The following SLC12A1 variants were observed in gnomAD, a reference collection of about 807,000 sequenced individuals.
SLC12A1 encodes the protein solute carrier family 12 member 1.
Under a neutral mutation model 130.4 loss-of-function variants are expected in SLC12A1, and 89 were observed. The ratio of observed to expected loss-of-function variants is 0.68; its 90% CI spans 0.58 to 0.81. SLC12A1 has a LOEUF of 0.81. Among genes scored for constraint, SLC12A1 ranks in the 40% least tolerant of loss-of-function variants. SLC12A1 has a pLI of 0.00. For synonymous variants in SLC12A1, 499 were observed against 460.0 expected (o/e 1.08, Z -1.09); for missense variants, 1,310 against 1,336.4 (o/e 0.98, Z 0.31).
In SLC12A1 at chr15:48,221,210, G is replaced by T; in HGVS notation, c.628+214G>T. 4 of 662,744 alleles carry T rather than the reference G, an allele frequency of 6.0e-6. No homozygotes were observed. In the South Asian group the frequency reaches 6.7e-5, roughly 11 times the overall value. The allele number at this position is 662,744 out of a possible 1,614,324, so 41.1% of individuals were successfully genotyped here. ...TGGAATTTTCCAGCTTGCCAAACAG[G>T]TGAATGCTCAAGGAGATCTCTCTCT... On this transcript the variant is annotated intron_variant, in intron 4 of 26. Transcript: ENST00000380993.
intron 21 of SLC12A1, among the ~76,000 whole-genome samples, chr15:48,286,165 G>T (rs1222352603): frequency 6.6e-6 from 1 of 152,114 alleles, no homozygotes; most frequent in Admixed American, 6.5e-5. Context: ...TAAATCGTTT[G>T]TCTGTTTGCT....
At chr15:48,301,851 C>T (rs1459036086) in intron 26 of SLC12A1, among the ~76,000 whole-genome samples, 1 of 152,178 alleles carries the variant, frequency 6.6e-6, no homozygotes, top group Non-Finnish European at 1.5e-5. Flanking sequence ...ACTCTTTATG[C>T]TCTAGCCTTA....
At position 48,247,193 on chromosome 15, in the gene SLC12A1, T is replaced by A. The variant is rs796390795; in HGVS notation, c.1561-144T>A. The A allele has an allele frequency of 9.7e-6, 9 of 926,924 alleles. No homozygotes were observed. The African/African-American group carries it at 1.3e-4, about 14-fold the overall frequency. 57.4% of individuals were successfully genotyped at this position (926,924 alleles called of 1,614,324 possible). On this transcript the variant is annotated intron_variant, in intron 12 of 26. Transcript: ENST00000380993. The stretch of plus-strand genomic sequence containing the variant: ...ATAGTCAAGATCGATTCAAATAATA[T>A]AAAGAATGATAAACTGCAGTGTTAA...
chr15:48,261,846 C>T (rs377321672), intron 17 of SLC12A1, among the ~76,000 whole-genome samples: 30 of 152,172 alleles, frequency 2.0e-4, no homozygotes, highest in African/African-American at 6.7e-4. Context: ...ACCTATTAGC[C>T]GTGAGTCCCT....
At chr15:48,294,899 T>TTTTATTTTATTTATTTATTTA (rs1555387190) in intron 24 of SLC12A1, among the ~76,000 whole-genome samples, 284 of 147,438 alleles carry the variant, frequency 1.9e-3, no homozygotes, top group African/African-American at 6.9e-3. Context: ...CTTCTTTTTA[T>TTTTATTTTATTTATTTATTTA]TTTATTTATT....
chr15:48,274,698 T>A (rs1049831877), intron 20 of SLC12A1, 45 bp downstream of exon 20: 2 of 1,339,902 alleles, frequency 1.5e-6, no homozygotes, highest in Non-Finnish European at 2.1e-6. Flanking sequence ...ATTGAGCACC[T>A]ACTTTGTGCC....
In SLC12A1 at chr15:48,258,157, C is replaced by A. The variant is rs567739996; in HGVS notation, c.2043-1043C>A. On this transcript the variant is annotated intron_variant, in intron 16 of 26. Transcript: ENST00000380993. Reference sequence around the variant, plus strand: ...CGGGCGGATCACGAGGTCAGGAGATCGAGACCATCCCGGCTAAAACGGTGA... The same window carrying A: ...CGGGCGGATCACGAGGTCAGGAGATAGAGACCATCCCGGCTAAAACGGTGA... Among the ~76,000 whole-genome samples the A allele has an allele frequency of 2.8e-5, 2 of 71,990 alleles. 1 individual carries two copies. The highest frequency in any genetic ancestry group is 4.4e-5 in the Non-Finnish European group (2 of 44,998). The allele number at this position is 71,990 out of a possible 152,430, so 47.2% of individuals were successfully genotyped here. A position where few individuals can be genotyped will look rare whatever the true frequency, so the allele number is the denominator to read the frequency against.
At chr15:48,271,816 AT>A (rs1468004866) in intron 19 of SLC12A1, among the ~76,000 whole-genome samples, 2 of 152,184 alleles carry the variant, frequency 1.3e-5, no homozygotes, top group Non-Finnish European at 2.9e-5. Context: ...ATTTTGATAT[AT>A]TTAGAATCAT....
chr15:48,234,956 A>T lies in SLC12A1; in HGVS notation c.1167A>T (p.Pro389=), dbSNP rs1597414508. Residue 389 remains proline (P), a synonymous_variant, in exon 9 of 27, where the codon CCA becomes CCT. Coordinates refer to ENST00000380993, the MANE Select transcript of SLC12A1 (RefSeq NM_000338.3). ...TCTCTGTCTTTGCCATTTTTTTCCC[A>T]GCAGCTACTGGGATTCTTGCTGGTG... ...GFFSVFAIFF[P]AATGILAGAN... 1 of 1,613,876 alleles carries T rather than the reference A, an allele frequency of 6.2e-7. No individual in the cohort carries two copies. Among genetic ancestry groups the T allele is most frequent in the East Asian group, 2.2e-5 (1 of 44,880 alleles).
intron 2 of SLC12A1, among the ~76,000 whole-genome samples, chr15:48,211,557 G>GTA (rs2041052348): frequency 6.6e-6 from 1 of 152,150 alleles, no homozygotes; most frequent in African/African-American, 2.4e-5. Context: ...AAATAATAGT[G>GTA]TTTACTTAAA....
chr15:48,252,386 C>A (rs1205499767), intron 15 of SLC12A1, among the ~76,000 whole-genome samples: 1 of 152,076 alleles, frequency 6.6e-6, no homozygotes, highest in East Asian at 1.9e-4. Flanking sequence ...GACCATATAA[C>A]CAGAATGTGT....
At chr15:48,267,496 A>G in intron 17 of SLC12A1, 65 bp from the exon 18 acceptor site, 2 of 1,573,380 alleles carry the variant, frequency 1.3e-6, no homozygotes, top group Non-Finnish European at 1.7e-6. Context: ...TTTGTCCTTT[A>G]GAAAACAACA....
At chr15:48,227,392 G>A (rs2041303974) in intron 5 of SLC12A1, 4 of 574,562 alleles carry the variant, frequency 7.0e-6, no homozygotes, top group South Asian at 4.1e-5. Context: ...TGTTTATAAA[G>A]TGGAGAGTGA....
intron 17 of SLC12A1, among the ~76,000 whole-genome samples, chr15:48,262,070 T>G (rs2041780906): frequency 6.6e-6 from 1 of 152,250 alleles, no homozygotes; most frequent in Admixed American, 6.5e-5. Flanking sequence ...TGGTATGCTA[T>G]AGTTGCCATT....
chr15:48,265,428 T>G (rs755871572), intron 17 of SLC12A1, among the ~76,000 whole-genome samples: 1 of 152,204 alleles, frequency 6.6e-6, no homozygotes, highest in African/African-American at 2.4e-5. Context: ...TATTCTTCTA[T>G]CTAATGGCTG....
Position 48,301,467 on chromosome 15 carries a change from C to T in SLC12A1, c.3164+85C>T, listed in dbSNP as rs137996954. The T allele has an allele frequency of 3.4e-4, 272 of 798,802 alleles. 3 individuals carry two copies. In the African/African-American group the frequency reaches 5.2e-3, roughly 15 times the overall value. 49.5% of individuals were successfully genotyped at this position (798,802 alleles called of 1,614,324 possible). A position where few individuals can be genotyped will look rare whatever the true frequency, so the allele number is the denominator to read the frequency against. ...ATCCATTTAAAAGCTTGGGACTCTT[C>T]AGGTGGGAATTTTGTTTTGTTTTTG... On this transcript the variant is annotated intron_variant, in intron 26 of 26. Coordinates refer to ENST00000380993, the MANE Select transcript of SLC12A1 (RefSeq NM_000338.3).
intron 15 of SLC12A1, among the ~76,000 whole-genome samples, chr15:48,253,830 C>A (rs960626588): frequency 3.9e-5 from 6 of 152,162 alleles, no homozygotes; most frequent in African/African-American, 1.4e-4. Flanking sequence ...TGTATTATTG[C>A]CAGATGATTT....
chr15:48,277,833 G>A (rs1446374732), intron 20 of SLC12A1, among the ~76,000 whole-genome samples: 1 of 152,198 alleles, frequency 6.6e-6, no homozygotes, highest in Non-Finnish European at 1.5e-5. Flanking sequence ...TGTTGTAGGA[G>A]AAGAGGAGGA....
chr15:48,288,381 G>A (rs755491496), intron 22 of SLC12A1, 24 bp from the exon 23 acceptor site: 3 of 1,261,136 alleles, frequency 2.4e-6, no homozygotes, highest in Non-Finnish European at 3.4e-6. Flanking sequence ...TACTCATTGT[G>A]TCATAATTTA....
Sources: gnomAD v4.1 joint callset for allele counts (sites outside exome capture counted in the v4.1 genomes callset) on GRCh38, gnomAD v4.1.1 for gene constraint, MANE v1.5 for transcripts, NCBI Gene and HGNC (gene_info 2026-07-23, HGNC 2026-07-21) for gene names.